The following ABCC1 variants were observed in gnomAD, a reference collection of about 807,000 sequenced individuals.
The protein encoded by ABCC1 is multidrug resistance-associated protein 1.
ABCC1 carries 83 observed loss-of-function variants against 172.9 expected under a neutral mutation model. That is an observed-to-expected ratio of 0.48 (90% CI 0.40 to 0.58). ABCC1 has a LOEUF of 0.58. Among genes scored for constraint, ABCC1 ranks in the 20% least tolerant of loss-of-function variants. The pLI is 0.00. For synonymous variants in ABCC1, 937 were observed against 825.2 expected (o/e 1.14, Z -2.32); for missense variants, 1,817 against 2,002.7 (o/e 0.91, Z 1.77).
At position 15,949,799 on chromosome 16, in the gene ABCC1, G is replaced by C; in HGVS notation, c.48G>C (p.Trp16Cys). 2.5e-6 allele frequency: 3 copies of C among 1,195,294 alleles called. No individual in the cohort carries two copies. The highest frequency in any genetic ancestry group is 3.1e-6 in the Non-Finnish European group (3 of 964,396). 74.0% of individuals were successfully genotyped at this position (1,195,294 alleles called of 1,614,324 possible). Residue 16 changes from tryptophan to cysteine, a missense_variant and splice_region_variant, in exon 1 of 31, where the codon TGG becomes TGC. By Grantham distance (215) the Trp-to-Cys change is radical. This residue lies in a region of ABCC1 where 398 missense variants were observed against 384.2 expected (regional missense o/e 1.04). Transcript: ENST00000399410. ...GCGCCGATGGCTCCGACCCGCTCTGGGTACGTGCCGGGGGCCGCGTGAGGC... is the reference window on the plus strand; with the variant it reads ...GCGCCGATGGCTCCGACCCGCTCTGCGTACGTGCCGGGGGCCGCGTGAGGC... ...FCSADGSDPL[W>C]DWNVTWNTSN...
At chr16:15,998,845 G>A (rs2047146630) in intron 1 of ABCC1, among the ~76,000 whole-genome samples, 1 of 152,068 alleles carries the variant, frequency 6.6e-6, no homozygotes, top group Non-Finnish European at 1.5e-5. Flanking sequence ...CAATACAGTG[G>A]TGGTGGCAGT....
chr16:16,046,970 G>T (rs1351992560), intron 9 of ABCC1, among the ~76,000 whole-genome samples: 1 of 125,776 alleles, frequency 8.0e-6, no homozygotes, highest in Non-Finnish European at 1.6e-5. Context: ...CAAGGTGGGG[G>T]AATCACTGGA....
chr16:15,956,667 T>C (rs2046004830), intron 1 of ABCC1, among the ~76,000 whole-genome samples: 1 of 152,140 alleles, frequency 6.6e-6, no homozygotes, highest in South Asian at 2.1e-4. Flanking sequence ...TATTATATAC[T>C]GTATTTTTAC....
chr16:16,041,058 G>A (rs1050410661), intron 7 of ABCC1, among the ~76,000 whole-genome samples: 3 of 151,508 alleles, frequency 2.0e-5, no homozygotes, highest in Non-Finnish European at 2.9e-5. Context: ...TTCCCTAGTA[G>A]CTGGGACTAC....
chr16:16,106,361 CTGTTA>C (rs777439252), intron 20 of ABCC1, among the ~76,000 whole-genome samples: 2 of 139,882 alleles, frequency 1.4e-5, no homozygotes, highest in Non-Finnish European at 3.1e-5. Context: ...TGTGCCCTTT[CTGTTA>C]TATCTTTTAT....
chr16:16,126,789 A>G (rs1390146428), intron 26 of ABCC1, among the ~76,000 whole-genome samples: 1 of 151,984 alleles, frequency 6.6e-6, no homozygotes, highest in Admixed American at 6.6e-5. Flanking sequence ...AATTAAGTCT[A>G]AGTGACTTGA....
At chr16:15,999,039 C>G (rs1305430400) in intron 1 of ABCC1, among the ~76,000 whole-genome samples, 1 of 152,122 alleles carries the variant, frequency 6.6e-6, no homozygotes, top group East Asian at 1.9e-4. Flanking sequence ...CTCGCTCTGT[C>G]TCCCAGGCTG....
chr16:16,125,746 A>AAT, intron 25 of ABCC1, 64 bp from the exon 26 acceptor site: 1 of 1,213,530 alleles, frequency 8.2e-7, no homozygotes, highest in Non-Finnish European at 1.2e-6. Context: ...GTGGAAAAAA[A>AAT]GAAAAAGGAA....
intron 19 of ABCC1, among the ~76,000 whole-genome samples, chr16:16,099,476 C>T (rs1013568895): frequency 6.6e-6 from 1 of 152,166 alleles, no homozygotes; most frequent in Non-Finnish European, 1.5e-5. Flanking sequence ...TTGTAAGCAG[C>T]AGAAGCTGAA....
intron 3 of ABCC1, among the ~76,000 whole-genome samples, chr16:16,013,736 C>T (rs1445270996): frequency 6.6e-6 from 1 of 152,126 alleles, no homozygotes; most frequent in Non-Finnish European, 1.5e-5. Flanking sequence ...TGGGGCATAG[C>T]CAGGCTTCTC....
In ABCC1 at chr16:15,956,792, T is replaced by A. The variant is rs75412164; in HGVS notation, c.48+6993T>A. On this transcript the variant is annotated intron_variant, in intron 1 of 30. Transcript: ENST00000399410. The stretch of plus-strand genomic sequence containing the variant: ...GGTCTTCATCTTCATTGTCTTCACG[T>A]TGAGGAGGCTAAGGAGGAGGAGGAA... Among the ~76,000 whole-genome samples the A allele has an allele frequency of 4.0e-3, 605 of 152,232 alleles. 4 individuals carry two copies. The highest frequency in any genetic ancestry group is 0.014 in the African/African-American group (582 of 41,538).
intron 15 of ABCC1, among the ~76,000 whole-genome samples, 194 bp from the exon 16 acceptor site, chr16:16,079,158 C>G (rs1459467453): frequency 6.6e-6 from 1 of 152,104 alleles, no homozygotes; most frequent in Non-Finnish European, 1.5e-5. Context: ...ACCTGGAGGC[C>G]CCCTGAGACA....
chr16:15,955,620 A>G (rs2045978777), intron 1 of ABCC1, among the ~76,000 whole-genome samples: 1 of 151,962 alleles, frequency 6.6e-6, no homozygotes, highest in African/African-American at 2.4e-5. Flanking sequence ...GGGCCTTTGC[A>G]CTTGCTGTTT....
chr16:15,992,681 G>A (rs1221138131), intron 1 of ABCC1, among the ~76,000 whole-genome samples: 1 of 152,184 alleles, frequency 6.6e-6, no homozygotes, highest in Admixed American at 6.5e-5. Context: ...GATTACAGGC[G>A]TGAGCCACTG....
intron 1 of ABCC1, among the ~76,000 whole-genome samples, chr16:16,007,351 C>T (rs1296647301): frequency 6.6e-6 from 1 of 152,050 alleles, no homozygotes; most frequent in Non-Finnish European, 1.5e-5. Context: ...CTTCAGCCGC[C>T]TGAGTGGCTG....
intron 15 of ABCC1, among the ~76,000 whole-genome samples, chr16:16,078,297 G>A (rs1490281381): frequency 6.6e-6 from 1 of 152,180 alleles, no homozygotes. Flanking sequence ...TGGAGGTGCC[G>A]TCGGCAGTGG....
chr16:16,110,901 A>T (rs9931401), intron 21 of ABCC1, among the ~76,000 whole-genome samples: 1 of 151,576 alleles, frequency 6.6e-6, no homozygotes, highest in African/African-American at 2.4e-5. Flanking sequence ...AGAGACCCTG[A>T]GTTTGTCTCT....
At chr16:15,987,785 G>T (rs377091253) in intron 1 of ABCC1, among the ~76,000 whole-genome samples, 49 of 152,262 alleles carry the variant, frequency 3.2e-4, no homozygotes, top group East Asian at 2.7e-3. Flanking sequence ...TTCCTTCCTC[G>T]CTGTCTTCAC....
At chr16:16,014,302 T>C (rs2047905385) in intron 3 of ABCC1, among the ~76,000 whole-genome samples, 189 bp from the exon 4 acceptor site, 2 of 152,032 alleles carry the variant, frequency 1.3e-5, no homozygotes, top group South Asian at 4.2e-4. Context: ...AAAAATTAGC[T>C]AGGCATGGTG....
Sources: allele counts gnomAD v4.1 joint callset (sites outside exome capture counted in the v4.1 genomes callset), GRCh38; gene constraint gnomAD v4.1.1; regional missense constraint gnomAD v4.1.1; transcripts MANE v1.5; gene names NCBI Gene and HGNC (gene_info 2026-07-23, HGNC 2026-07-21).